RNF217: variants seen among roughly 807,000 people sequenced by gnomAD.
RNF217 encodes the protein E3 ubiquitin-protein ligase RNF217.
Under a neutral mutation model 57.8 loss-of-function variants are expected in RNF217, and 31 were observed. The observed-to-expected ratio is 0.54, with a 90% CI of 0.40 to 0.72. The LOEUF (loss-of-function observed/expected upper bound fraction) is 0.72. Among genes scored for constraint, RNF217 ranks in the 30% least tolerant of loss-of-function variants. The pLI, the probability that RNF217 is intolerant of heterozygous loss-of-function variation, is 0.00. For missense variants in RNF217, 696 were observed against 708.3 expected (o/e 0.98, Z 0.20); for synonymous variants, 313 against 294.0 (o/e 1.06, Z -0.66).
intron 2 of RNF217, among the ~76,000 whole-genome samples, chr6:125,052,172 C>A (rs559734700): frequency 6.6e-6 from 1 of 151,824 alleles, no homozygotes. Context: ...ATGCATTGTG[C>A]AATAAATAAT....
At chr6:125,043,564 A>AT (rs1401872254) in intron 1 of RNF217, among the ~76,000 whole-genome samples, 1 of 152,030 alleles carries the variant, frequency 6.6e-6, no homozygotes, top group African/African-American at 2.4e-5. Context: ...ACATTTAATC[A>AT]TTTTTTAATG....
intron 1 of RNF217, among the ~76,000 whole-genome samples, chr6:124,995,411 T>C (rs1416683643): frequency 1.3e-5 from 2 of 152,238 alleles, no homozygotes; most frequent in Admixed American, 6.5e-5. Flanking sequence ...ATTACAAATG[T>C]ATGCATCCCT....
In RNF217 at chr6:125,045,268, G is replaced by A. The variant is rs1343684745; in HGVS notation, c.940G>A (p.Glu314Lys). 1 of 1,613,290 alleles carries A rather than the reference G, an allele frequency of 6.2e-7. No individual in the cohort carries two copies. The highest frequency in any genetic ancestry group is 8.5e-7 in the Non-Finnish European group (1 of 1,179,562). ...CPITECFEFL[E>K]ETTVVYNLTH... ...CATCACAGAGTGTTTTGAATTCTTGGAAGAAACAACTGTTGTCTATAACTT... is the reference window on the plus strand; with the variant it reads ...CATCACAGAGTGTTTTGAATTCTTGAAAGAAACAACTGTTGTCTATAACTT... The change falls in exon 2 of 6, where the codon GAA becomes AAA. Residue 314 changes from glutamate to lysine, a missense_variant. Glu to Lys is a moderately conservative substitution (Grantham distance 56). Coordinates refer to ENST00000521654, the MANE Select transcript of RNF217 (RefSeq NM_001286398.3).
At chr6:125,065,345 A>G (rs1787899151) in intron 3 of RNF217, among the ~76,000 whole-genome samples, 1 of 152,156 alleles carries the variant, frequency 6.6e-6, no homozygotes, top group South Asian at 2.1e-4. Flanking sequence ...TATACGTAAA[A>G]TAGAGTTTGG....
intron 3 of RNF217, among the ~76,000 whole-genome samples, chr6:125,065,848 G>A (rs1202919350): frequency 3.9e-5 from 6 of 152,176 alleles, no homozygotes; most frequent in Admixed American, 3.3e-4. Flanking sequence ...AAATCGTAAA[G>A]TTTTGGGGAA....
At chr6:125,003,238 G>A (rs1785054193) in intron 1 of RNF217, among the ~76,000 whole-genome samples, 1 of 152,132 alleles carries the variant, frequency 6.6e-6, no homozygotes, top group African/African-American at 2.4e-5. Context: ...TTAGTGATTA[G>A]CAGAATCGAG....
intron 1 of RNF217, among the ~76,000 whole-genome samples, chr6:124,998,056 T>A (rs1784817550): frequency 1.3e-5 from 2 of 152,134 alleles, no homozygotes; most frequent in African/African-American, 2.4e-5. Flanking sequence ...AGATTATATA[T>A]GTTCAGAGCA....
intron 3 of RNF217, among the ~76,000 whole-genome samples, chr6:125,066,676 A>G (rs1787948139): frequency 6.6e-6 from 1 of 152,038 alleles, no homozygotes; most frequent in East Asian, 1.9e-4. Flanking sequence ...TTTTTTCTCC[A>G]TGGTATTATA....
At chr6:124,970,601 G>C (rs1015512995) in intron 1 of RNF217, among the ~76,000 whole-genome samples, 3 of 152,188 alleles carry the variant, frequency 2.0e-5, no homozygotes, top group Admixed American at 6.5e-5. Flanking sequence ...ATTCAGAAGA[G>C]AGATCTGAGC....
chr6:124,983,412 G>C, intron 1 of RNF217: 1 of 984,992 alleles, frequency 1.0e-6, no homozygotes, highest in Non-Finnish European at 1.2e-6. Context: ...AAGGTAGAGA[G>C]TGAAATATGG....
In RNF217 at chr6:125,091,666, A is replaced by G. The variant is rs1266147315; in HGVS notation, c.*8729A>G. 6.6e-6 allele frequency: 1 copy of G among 152,192 alleles called. No individual in the cohort carries two copies. Among genetic ancestry groups the G allele is most frequent in the East Asian group, 1.9e-4 (1 of 5,196 alleles). 9.4% of individuals were successfully genotyped at this position (152,192 alleles called of 1,614,324 possible). ...ACTCTCAGTTTTATCTATAGCTCCAATTAGGACAAAATTACTTTACAAAAA... is the reference window on the plus strand; with the variant it reads ...ACTCTCAGTTTTATCTATAGCTCCAGTTAGGACAAAATTACTTTACAAAAA... On this transcript the variant is annotated 3_prime_UTR_variant, in exon 6 of 6. Coordinates refer to ENST00000521654, the MANE Select transcript of RNF217 (RefSeq NM_001286398.3).
At chr6:124,970,895 A>C (rs1307344427) in intron 1 of RNF217, among the ~76,000 whole-genome samples, 10 of 152,228 alleles carry the variant, frequency 6.6e-5, no homozygotes, top group Non-Finnish European at 1.5e-4. Flanking sequence ...AATGCTTCTG[A>C]TAGTTCCAGC....
At chr6:124,982,579 A>G (rs1206809609) in intron 1 of RNF217, among the ~76,000 whole-genome samples, 1 of 152,000 alleles carries the variant, frequency 6.6e-6, no homozygotes, top group African/African-American at 2.4e-5. Context: ...TCAGTAACAC[A>G]TTTTACATAA....
chr6:125,023,924 G>C (rs1331522289), intron 1 of RNF217, among the ~76,000 whole-genome samples: 3 of 152,082 alleles, frequency 2.0e-5, no homozygotes, highest in Admixed American at 1.3e-4. Context: ...GGATGGGCAT[G>C]GGGGGAAAAG....
chr6:124,993,658 A>G (rs1330330276), intron 1 of RNF217, among the ~76,000 whole-genome samples: 1 of 152,178 alleles, frequency 6.6e-6, no homozygotes, highest in African/African-American at 2.4e-5. Flanking sequence ...AGTAGGTGCT[A>G]CATTAGAGCT....
In RNF217 at chr6:125,066,367, T is replaced by G. The variant is rs1475573017; in HGVS notation, c.1281+8261T>G. ...TAGAACCCGTCGCCCTCTGGACATG[T>G]CCCCACTCTGTGACTCCTCTAGTCA... On this transcript the variant is annotated intron_variant, in intron 3 of 5. Transcript: ENST00000521654. Among the ~76,000 whole-genome samples the G allele has an allele frequency of 2.0e-5, 3 of 152,136 alleles. No individual in the cohort carries two copies. In the South Asian group the frequency reaches 6.2e-4, roughly 32 times the overall value.
chr6:124,980,112 T>C (rs2115011769), intron 1 of RNF217, among the ~76,000 whole-genome samples: 1 of 152,286 alleles, frequency 6.6e-6, no homozygotes, highest in South Asian at 2.1e-4. Context: ...ATTTTACCCA[T>C]CTCGAAGGGA....
rs1215990811 is a variant in RNF217, at chr6:125,082,923, G to T, written c.1615G>T (p.Gly539Cys). 2 of 1,600,004 alleles carry T rather than the reference G, an allele frequency of 1.3e-6. No homozygotes were observed. Among genetic ancestry groups the T allele is most frequent in the South Asian group, 1.1e-5 (1 of 88,206 alleles). ...AAAACAGAGAAAACGATCACGGACA[G>T]GTATGCACTGGTAACATGCAGATGA... Reference protein sequence around the residue: ...CKKQRKRSRTGMHW With the variant: ...CKKQRKRSRTCMHW The change falls in exon 6 of 6, where the codon GGT (glycine) becomes TGT (cysteine). Residue 539 changes from glycine to cysteine, a missense_variant. This residue lies in a region of RNF217 where 231 missense variants were observed against 321.4 expected (regional missense o/e 0.72). Coordinates refer to ENST00000521654, the MANE Select transcript of RNF217 (RefSeq NM_001286398.3).
chr6:125,030,958 G>A (rs1464017521), intron 1 of RNF217, among the ~76,000 whole-genome samples: 1 of 152,182 alleles, frequency 6.6e-6, no homozygotes, highest in South Asian at 2.1e-4. Flanking sequence ...TGGGCATCCG[G>A]GCGTTTCCCT....
Sources: gnomAD v4.1 joint callset for allele counts (sites outside exome capture counted in the v4.1 genomes callset) on GRCh38, gnomAD v4.1.1 for gene constraint, gnomAD v4.1.1 regional missense constraint, MANE v1.5 for transcripts, NCBI Gene and HGNC (gene_info 2026-07-23, HGNC 2026-07-21) for gene names.